The following ASIC2 variants were observed in gnomAD, a reference collection of about 807,000 sequenced individuals.
ASIC2 encodes acid-sensing ion channel 2.
ASIC2 carries 25 observed loss-of-function variants against 57.3 expected under a neutral mutation model. The observed-to-expected ratio is 0.44, with a 90% CI of 0.32 to 0.61. The LOEUF (loss-of-function observed/expected upper bound fraction) is 0.61, where lower values mean the gene tolerates loss of function less well. Ranked by LOEUF, ASIC2 falls within the 20% of genes least tolerant of loss-of-function variation. The probability of loss-of-function intolerance (pLI) is 0.06; values close to 1 mark genes in which losing one functional copy is unlikely to be tolerated. For missense variants in ASIC2, 641 were observed against 738.1 expected (o/e 0.87, Z 1.52); for synonymous variants, 319 against 307.5 (o/e 1.04, Z -0.39).
intron 1 of ASIC2, among the ~76,000 whole-genome samples, chr17:34,080,441 A>T (rs1173610984): frequency 6.6e-6 from 1 of 152,194 alleles, no homozygotes; most frequent in Non-Finnish European, 1.5e-5. Flanking sequence ...ACAAACTTAG[A>T]GCTGGTGAGC....
intron 1 of ASIC2, among the ~76,000 whole-genome samples, chr17:33,360,201 G>A (rs569764346): frequency 6.6e-6 from 1 of 152,230 alleles, no homozygotes; most frequent in African/African-American, 2.4e-5. Flanking sequence ...TCATGGATAA[G>A]GCTCATGCTG....
chr17:34,116,153 C>T (rs950330421), intron 1 of ASIC2, among the ~76,000 whole-genome samples: 5 of 152,192 alleles, frequency 3.3e-5, no homozygotes, highest in Admixed American at 2.6e-4. Flanking sequence ...TTCTGAGCAC[C>T]TTTCTCCCTC....
intron 1 of ASIC2, among the ~76,000 whole-genome samples, chr17:33,194,226 TA>T (rs780835722): frequency 6.6e-6 from 1 of 152,228 alleles, no homozygotes; most frequent in Non-Finnish European, 1.5e-5. Flanking sequence ...TTCTGCACGC[TA>T]AAAAGCTCCT....
chr17:33,529,820 T>A (rs1016930793), intron 1 of ASIC2: 1 of 152,258 alleles, frequency 6.6e-6, no homozygotes, highest in African/African-American at 2.4e-5. Flanking sequence ...GAGTGCTTGC[T>A]TGTACTGTGT....
chr17:33,292,285 G>A lies in ASIC2; in HGVS notation c.-170C>T. 1 of 988,646 alleles carries A rather than the reference G, an allele frequency of 1.0e-6. No individual in the cohort carries two copies. The highest frequency in any genetic ancestry group is 1.2e-6 in the Non-Finnish European group (1 of 833,240). The allele number at this position is 988,646 out of a possible 1,614,324, so 61.2% of individuals were successfully genotyped here. A position where few individuals can be genotyped will look rare whatever the true frequency, so the allele number is the denominator to read the frequency against. Reference sequence around the variant, plus strand: ...TGGCGCGGCATGCCCGCCCGGCGCCGCCGCTGCCGCCTCCGCGGGCGCCCG... The same window carrying A: ...TGGCGCGGCATGCCCGCCCGGCGCCACCGCTGCCGCCTCCGCGGGCGCCCG... On this transcript the variant is annotated 5_prime_UTR_variant, in exon 1 of 10. Coordinates refer to ENST00000225823, the MANE Select transcript of ASIC2 (RefSeq NM_183377.2).
intron 1 of ASIC2, among the ~76,000 whole-genome samples, chr17:34,066,680 T>C (rs1909184362): frequency 6.6e-6 from 1 of 152,202 alleles, no homozygotes; most frequent in South Asian, 2.1e-4. Flanking sequence ...TGATGACAGC[T>C]GAGTCATGGA....
intron 1 of ASIC2, among the ~76,000 whole-genome samples, chr17:33,734,726 T>C (rs1909857686): frequency 6.6e-6 from 1 of 151,978 alleles, no homozygotes; most frequent in Non-Finnish European, 1.5e-5. Context: ...GACACCAGAG[T>C]GCATCTTTCT....
At chr17:33,282,413 T>C (rs1904988035) in intron 1 of ASIC2, among the ~76,000 whole-genome samples, 1 of 151,994 alleles carries the variant, frequency 6.6e-6, no homozygotes, top group African/African-American at 2.4e-5. Context: ...AAGCCATCAA[T>C]GTAACACTTT....
chr17:33,131,129 C>T (rs1390079375), intron 1 of ASIC2, among the ~76,000 whole-genome samples: 1 of 152,054 alleles, frequency 6.6e-6, no homozygotes, highest in Non-Finnish European at 1.5e-5. Flanking sequence ...GGAGACGAGC[C>T]CATGCAAAGA....
intron 1 of ASIC2, among the ~76,000 whole-genome samples, chr17:33,378,488 C>T (rs750043171): frequency 2.0e-5 from 3 of 152,184 alleles, no homozygotes; most frequent in South Asian, 2.1e-4. Context: ...GCCTCCCCTC[C>T]GCCTCACCCA....
chr17:33,106,818 G>A (rs1372965169), intron 2 of ASIC2, among the ~76,000 whole-genome samples: 3 of 152,100 alleles, frequency 2.0e-5, no homozygotes, highest in Non-Finnish European at 2.9e-5. Context: ...GGCAGGATCT[G>A]TAAAATATAA....
chr17:33,347,876 T>C (rs1257551581), intron 1 of ASIC2, among the ~76,000 whole-genome samples: 1 of 152,048 alleles, frequency 6.6e-6, no homozygotes, highest in East Asian at 1.9e-4. Flanking sequence ...CCGAGATGGG[T>C]GGATCACTTG....
chr17:33,163,330 G>T (rs1245462731), intron 1 of ASIC2, among the ~76,000 whole-genome samples: 1 of 152,094 alleles, frequency 6.6e-6, no homozygotes, highest in African/African-American at 2.4e-5. Context: ...TTCCTGCAGA[G>T]TGACTCTCTG....
chr17:33,299,328 T>C (rs1905853278), intron 1 of ASIC2, among the ~76,000 whole-genome samples: 1 of 152,168 alleles, frequency 6.6e-6, no homozygotes, highest in Non-Finnish European at 1.5e-5. Context: ...GTGGCCAGTG[T>C]TATAGCATCT....
chr17:33,406,877 A>C (rs566603008), intron 1 of ASIC2, among the ~76,000 whole-genome samples: 4 of 152,344 alleles, frequency 2.6e-5, no homozygotes, highest in African/African-American at 9.6e-5. Context: ...AAGATGTTGA[A>C]AATGATGAAA....
chr17:33,680,757 T>A (rs1907975950), intron 1 of ASIC2: 1 of 152,260 alleles, frequency 6.6e-6, no homozygotes, highest in Non-Finnish European at 1.5e-5. Flanking sequence ...CAATGAGGCC[T>A]GAGCTCAGGG....
chr17:33,374,067 C>T (rs1232266695), intron 1 of ASIC2, among the ~76,000 whole-genome samples: 1 of 152,140 alleles, frequency 6.6e-6, no homozygotes, highest in Admixed American at 6.5e-5. Flanking sequence ...ATGATCTTGG[C>T]TCGCTGCAAC....
chr17:33,365,396 T>C (rs1458621239), intron 1 of ASIC2, among the ~76,000 whole-genome samples: 1 of 151,772 alleles, frequency 6.6e-6, no homozygotes, highest in Non-Finnish European at 1.5e-5. Flanking sequence ...TTTTTTTTGA[T>C]TCCCTAGTGT....
At chr17:33,080,271 T>G (rs1055920063) in intron 3 of ASIC2, among the ~76,000 whole-genome samples, 1 of 151,976 alleles carries the variant, frequency 6.6e-6, no homozygotes, top group Admixed American at 6.6e-5. Context: ...TGGTCCACAG[T>G]CCACATGCTG....
Sources: gnomAD v4.1 joint callset for allele counts (sites outside exome capture counted in the v4.1 genomes callset) on GRCh38, gnomAD v4.1.1 for gene constraint, MANE v1.5 for transcripts, NCBI Gene and HGNC (gene_info 2026-07-23, HGNC 2026-07-21) for gene names.